The following HSPA12A variants were observed in gnomAD, a reference collection of about 807,000 sequenced individuals.
The protein encoded by HSPA12A is heat shock 70 kDa protein 12A.
In HSPA12A, 28 loss-of-function variants were observed where a neutral mutation model predicts 69.2. That is an observed-to-expected ratio of 0.40 (90% confidence interval 0.30 to 0.55). HSPA12A has a LOEUF of 0.55. Among genes scored for constraint, HSPA12A ranks in the 20% least tolerant of loss-of-function variants. HSPA12A has a pLI of 0.38. For missense variants in HSPA12A, 686 were observed against 900.7 expected (o/e 0.76, Z 3.05); for synonymous variants, 345 against 370.5 (o/e 0.93, Z 0.79).
intron 2 of HSPA12A, among the ~76,000 whole-genome samples, chr10:116,793,810 C>A (rs1006106511): frequency 6.6e-6 from 1 of 151,400 alleles, no homozygotes; most frequent in Non-Finnish European, 1.5e-5. Context: ...GAAAAAAAAT[C>A]GAAAATATAA....
intron 1 of HSPA12A, chr10:116,849,365 T>G (rs992194036): frequency 3.3e-6 from 2 of 611,840 alleles, no homozygotes; most frequent in Non-Finnish European, 4.8e-6. Flanking sequence ...CCGGACCTAA[T>G]GCCGCAGGGA....
chr10:116,729,983 G>T (rs528074732), intron 1 of HSPA12A, among the ~76,000 whole-genome samples: 1 of 152,222 alleles, frequency 6.6e-6, no homozygotes, highest in Non-Finnish European at 1.5e-5. Flanking sequence ...ACTTTGGGAG[G>T]CCAAAGCAGG....
intron 2 of HSPA12A, among the ~76,000 whole-genome samples, chr10:116,767,441 A>G (rs1217027723): frequency 1.3e-5 from 2 of 152,108 alleles, no homozygotes; most frequent in Non-Finnish European, 2.9e-5. Flanking sequence ...CATCCACCCC[A>G]GCTGCTGGGT....
intron 5 of HSPA12A, 103 bp downstream of exon 5, chr10:116,698,532 G>A (rs557909598): frequency 1.3e-6 from 1 of 798,402 alleles, no homozygotes; most frequent in South Asian, 1.6e-5. Context: ...CCTCCAGGCT[G>A]TGCCTCCTAC....
chr10:116,832,745 C>CG (rs1845642585), intron 2 of HSPA12A: 1 of 152,220 alleles, frequency 6.6e-6, no homozygotes, highest in African/African-American at 2.4e-5. Flanking sequence ...CGCAGAACAG[C>CG]GCATGGTCTC....
chr10:116,703,187 T>G (rs1335369569), intron 3 of HSPA12A, among the ~76,000 whole-genome samples: 1 of 152,192 alleles, frequency 6.6e-6, no homozygotes, highest in African/African-American at 2.4e-5. Flanking sequence ...GAGTTGGCTA[T>G]AGAACCGGCT....
chr10:116,778,055 T>C (rs1206164829), intron 2 of HSPA12A, among the ~76,000 whole-genome samples: 1 of 152,138 alleles, frequency 6.6e-6, no homozygotes, highest in African/African-American at 2.4e-5. Flanking sequence ...ATGGCTGTGC[T>C]TAACAACTGG....
intron 4 of HSPA12A, among the ~76,000 whole-genome samples, chr10:116,699,878 T>C (rs957867178): frequency 2.0e-5 from 3 of 152,268 alleles, no homozygotes; most frequent in Admixed American, 1.3e-4. Context: ...ACCACGCCGA[T>C]GGGCACAGAG....
intron 2 of HSPA12A, among the ~76,000 whole-genome samples, chr10:116,782,494 C>G (rs1476559383): frequency 1.3e-5 from 2 of 152,048 alleles, no homozygotes; most frequent in Admixed American, 1.3e-4. Flanking sequence ...TGGCATAGTC[C>G]CGGGTGGAAC....
rs1484812062 is a variant in HSPA12A at position 116,824,102 on chromosome 10, C to A, written c.91+10833G>T. Among the ~76,000 whole-genome samples the A allele has an allele frequency of 2.0e-5, 3 of 152,208 alleles. No homozygotes were observed. The East Asian group carries it at 5.8e-4, about 29-fold the overall frequency. On this transcript the variant is annotated intron_variant, in intron 2 of 12. Transcript: ENST00000635765. Reference sequence around the variant, plus strand: ...TTTAAAAATGGACAAAGAACCTGAACAGATATATCTACAAAGAAGATGTAT... The same window carrying A: ...TTTAAAAATGGACAAAGAACCTGAAAAGATATATCTACAAAGAAGATGTAT...
chr10:116,745,030 A>T (rs1851617634), upstream of HSPA12A, among the ~76,000 whole-genome samples: 1 of 152,030 alleles, frequency 6.6e-6, no homozygotes, highest in Non-Finnish European at 1.5e-5. Context: ...CCAAACACAC[A>T]CAGGCCCCAC....
chr10:116,702,857 C>T (rs929008827), intron 3 of HSPA12A, among the ~76,000 whole-genome samples: 2 of 152,162 alleles, frequency 1.3e-5, no homozygotes, highest in African/African-American at 4.8e-5. Context: ...AAAATGTCGA[C>T]CATTACTAAG....
Position 116,681,238 on chromosome 10 carries a change from A to G in HSPA12A, c.941T>C (p.Val314Ala). The G allele has an allele frequency of 6.2e-7, 1 of 1,614,068 alleles. No individual in the cohort carries two copies. The highest frequency in any genetic ancestry group is 8.5e-7 in the Non-Finnish European group (1 of 1,179,946). ...ELEEGDKYVVVDSGGGTVDLT... is the reference protein window; with the variant it reads ...ELEEGDKYVVADSGGGTVDLT... ...GTCTACGGTGCCACCGCCACTGTCC[A>G]CAACCACATACTTATCACCTGGCAC... The change falls in exon 9 of 12, where the codon GTG becomes GCG. Residue 314 changes from valine (V) to alanine (A), a missense_variant. Val to Ala is a moderately conservative substitution (Grantham distance 64, BLOSUM62 0). Transcript: ENST00000369209.
chr10:116,802,189 T>C (rs573753107), intron 2 of HSPA12A, among the ~76,000 whole-genome samples: 76 of 152,274 alleles, frequency 5.0e-4, no homozygotes, highest in African/African-American at 1.8e-3. Flanking sequence ...CTTTATGGCA[T>C]GGTTGTCATT....
At chr10:116,679,444 C>T in intron 10 of HSPA12A, 59 bp downstream of exon 10, 1 of 1,591,348 alleles carries the variant, frequency 6.3e-7, no homozygotes, top group Non-Finnish European at 8.6e-7. Flanking sequence ...CTCCTCTCTC[C>T]CATCAGCACG....
At chr10:116,712,269 G>A (rs1384732609) in intron 1 of HSPA12A, among the ~76,000 whole-genome samples, 5 of 152,076 alleles carry the variant, frequency 3.3e-5, no homozygotes, top group African/African-American at 7.2e-5. Flanking sequence ...TCACAATCCT[G>A]GAACACCCCA....
intron 1 of HSPA12A, among the ~76,000 whole-genome samples, chr10:116,709,461 A>T (rs1850359331): frequency 6.6e-6 from 1 of 152,140 alleles, no homozygotes; most frequent in Admixed American, 6.6e-5. Context: ...AAAAAAAAAA[A>T]AAAGATGAAG....
intron 1 of HSPA12A, among the ~76,000 whole-genome samples, chr10:116,722,463 T>TAGA (rs1850811414): frequency 6.6e-6 from 1 of 152,160 alleles, no homozygotes; most frequent in East Asian, 1.9e-4. Context: ...CTGAATGGCA[T>TAGA]AGACACCACA....
intron 2 of HSPA12A, among the ~76,000 whole-genome samples, chr10:116,813,845 C>A (rs529562706): frequency 6.6e-6 from 1 of 152,190 alleles, no homozygotes; most frequent in East Asian, 1.9e-4. Context: ...GATCCCACCA[C>A]TGCACTCCAG....
Sources: allele counts gnomAD v4.1 joint callset (sites outside exome capture counted in the v4.1 genomes callset), GRCh38; gene constraint gnomAD v4.1.1; transcripts MANE v1.5; gene names NCBI Gene and HGNC (gene_info 2026-07-23, HGNC 2026-07-21).